The following KIAA1217 variants were observed in gnomAD, a reference collection of about 807,000 sequenced individuals.
The protein encoded by KIAA1217 is KIAA1217, also known as sickle tail protein homolog.
A neutral mutation model predicts 163.9 loss-of-function variants in KIAA1217; 88 were observed. The observed-to-expected ratio is 0.54, with a 90% CI of 0.45 to 0.64. The LOEUF is 0.64. KIAA1217 is among the 30% of genes least tolerant of loss of function. The pLI is 0.00. For synonymous variants in KIAA1217, 903 were observed against 923.1 expected, an observed-to-expected ratio of 0.98 and a Z score of 0.39; for missense variants, 2,372 against 2,475.0, an observed-to-expected ratio of 0.96 and a Z score of 0.88.
intron 3 of KIAA1217, among the ~76,000 whole-genome samples, chr10:24,411,195 T>C (rs1266400218): frequency 6.6e-6 from 1 of 152,208 alleles, no homozygotes; most frequent in Non-Finnish European, 1.5e-5. Context: ...GATCAATATT[T>C]TGCTATTCAG....
At chr10:24,459,166 C>T (rs573114757) in intron 5 of KIAA1217, among the ~76,000 whole-genome samples, 5 of 152,278 alleles carry the variant, frequency 3.3e-5, no homozygotes, top group Admixed American at 2.6e-4. Context: ...TAGCCATTCC[C>T]CCAGGGCACC....
At chr10:24,087,985 G>A (rs1012400093) in intron 2 of KIAA1217, among the ~76,000 whole-genome samples, 3 of 90,890 alleles carry the variant, frequency 3.3e-5, no homozygotes, top group African/African-American at 5.5e-5. Context: ...AACCAAGTTA[G>A]TGGACCATCC....
intron 2 of KIAA1217, among the ~76,000 whole-genome samples, chr10:24,182,102 A>G (rs114005994): frequency 8.1e-4 from 124 of 152,278 alleles, no homozygotes; most frequent in African/African-American, 2.9e-3. Context: ...TTAGTGATGC[A>G]CTGAATTCAT....
At chr10:24,315,065 C>T (rs1221237696) in intron 2 of KIAA1217, among the ~76,000 whole-genome samples, 1 of 152,178 alleles carries the variant, frequency 6.6e-6, no homozygotes, top group African/African-American at 2.4e-5. Flanking sequence ...CCATGGGACC[C>T]ACTGATACCC....
intron 2 of KIAA1217, among the ~76,000 whole-genome samples, chr10:24,109,121 G>GTATATT (rs2062743346): frequency 6.6e-6 from 1 of 152,130 alleles, no homozygotes; most frequent in African/African-American, 2.4e-5. Context: ...ATGAGCTACC[G>GTATATT]TGCCTGGCCA....
chr10:24,422,544 G>A (rs1403798344), intron 3 of KIAA1217, among the ~76,000 whole-genome samples: 1 of 152,058 alleles, frequency 6.6e-6, no homozygotes, highest in Non-Finnish European at 1.5e-5. Flanking sequence ...GCTTCTTCAT[G>A]GACAAGTTTC....
intron 1 of KIAA1217, among the ~76,000 whole-genome samples, chr10:23,841,638 A>G (rs1269049213): frequency 3.3e-5 from 5 of 152,004 alleles, no homozygotes; most frequent in African/African-American, 1.2e-4. Context: ...TGATTCAAAA[A>G]TAATAGCTTC....
chr10:24,400,286 T>C (rs1591617853), intron 3 of KIAA1217, among the ~76,000 whole-genome samples: 1 of 152,312 alleles, frequency 6.6e-6, no homozygotes, highest in South Asian at 2.1e-4. Context: ...CTTCCCACAG[T>C]ATATCAGTCA....
chr10:24,182,860 C>G (rs942925638), intron 2 of KIAA1217, among the ~76,000 whole-genome samples: 1 of 152,118 alleles, frequency 6.6e-6, no homozygotes, highest in Non-Finnish European at 1.5e-5. Context: ...TAACAATACA[C>G]TCTAGTTATG....
chr10:23,970,541 G>T (rs1325479985), intron 1 of KIAA1217, among the ~76,000 whole-genome samples: 1 of 152,204 alleles, frequency 6.6e-6, no homozygotes, highest in Non-Finnish European at 1.5e-5. Flanking sequence ...CAGTTAAACA[G>T]AAAGGATATG....
chr10:24,420,702 T>C (rs151266314), intron 3 of KIAA1217, among the ~76,000 whole-genome samples: 5 of 152,340 alleles, frequency 3.3e-5, no homozygotes, highest in Admixed American at 2.0e-4. Context: ...CTTTTACTTA[T>C]GGTGTAAGAA....
At chr10:24,521,104 C>T (rs1193339870) in intron 11 of KIAA1217, among the ~76,000 whole-genome samples, 6 of 132,764 alleles carry the variant, frequency 4.5e-5, no homozygotes, top group East Asian at 2.2e-4. Flanking sequence ...GAGGCTGAGG[C>T]GGGCAGATCA....
At chr10:24,287,968 G>T (rs2078718488) in intron 2 of KIAA1217, among the ~76,000 whole-genome samples, 1 of 152,184 alleles carries the variant, frequency 6.6e-6, no homozygotes, top group African/African-American at 2.4e-5. Context: ...ATGTGAGTTT[G>T]GAAGGGCATC....
chr10:24,538,534 G>T (rs2074378715), intron 17 of KIAA1217, among the ~76,000 whole-genome samples: 1 of 136,718 alleles, frequency 7.3e-6, no homozygotes. Context: ...TGGAGGGAGA[G>T]AGGGTAGGAG....
At chr10:24,284,277 A>G (rs1016313115) in intron 2 of KIAA1217, among the ~76,000 whole-genome samples, 1 of 152,132 alleles carries the variant, frequency 6.6e-6, no homozygotes, top group Admixed American at 6.5e-5. Flanking sequence ...ATTTGTTACA[A>G]GGGTATACTG....
In KIAA1217 at chr10:24,235,349, C is replaced by T. The variant is rs137922607; in HGVS notation, c.354+15440C>T. ...ATGGATAATTTCTAAAAACAAGTAACAACTACAATCAAACACAGAGCCAAA... is the reference window on the plus strand; with the variant it reads ...ATGGATAATTTCTAAAAACAAGTAATAACTACAATCAAACACAGAGCCAAA... On this transcript the variant is annotated intron_variant, in intron 2 of 20. Transcript: ENST00000376454. Among the ~76,000 whole-genome samples, 360 of 152,304 alleles carry T rather than the reference C, an allele frequency of 2.4e-3. 4 individuals are homozygous for T. The highest frequency in any genetic ancestry group is 8.1e-3 in the African/African-American group (336 of 41,568).
chr10:24,198,038 C>A (rs1207972189), intron 2 of KIAA1217, among the ~76,000 whole-genome samples: 1 of 152,212 alleles, frequency 6.6e-6, no homozygotes, highest in African/African-American at 2.4e-5. Context: ...AGTGAATATC[C>A]AAACATATGC....
intron 2 of KIAA1217, among the ~76,000 whole-genome samples, chr10:24,140,675 A>G (rs1288607614): frequency 6.6e-6 from 1 of 152,168 alleles, no homozygotes; most frequent in East Asian, 1.9e-4. Flanking sequence ...TATTTCTAGA[A>G]TTTTCCATTT....
chr10:24,025,675 C>T (rs1847912225), intron 2 of KIAA1217, among the ~76,000 whole-genome samples: 1 of 151,646 alleles, frequency 6.6e-6, no homozygotes, highest in South Asian at 2.1e-4. Flanking sequence ...TTGTGTCTTT[C>T]TTAATTTCCC....
Sources: gnomAD v4.1 joint callset for allele counts (sites outside exome capture counted in the v4.1 genomes callset) on GRCh38, gnomAD v4.1.1 for gene constraint, MANE v1.5 for transcripts, NCBI Gene and HGNC (gene_info 2026-07-23, HGNC 2026-07-21) for gene names.